The following AGPS variants were observed in gnomAD, a reference collection of about 807,000 sequenced individuals.
The protein encoded by AGPS is alkyldihydroxyacetonephosphate synthase, peroxisomal.
In AGPS, 26 loss-of-function variants were observed where a neutral mutation model predicts 90.7. That is an observed-to-expected ratio of 0.29 (90% CI 0.21 to 0.40). AGPS has a LOEUF of 0.40. AGPS is among the 10% of genes least tolerant of loss of function. The probability of loss-of-function intolerance (pLI) is 1.00; values close to 1 mark genes in which losing one functional copy is unlikely to be tolerated. For missense variants in AGPS, 540 were observed against 816.1 expected, an observed-to-expected ratio of 0.66 and a Z score of 4.12; for synonymous variants, 294 against 285.3, an observed-to-expected ratio of 1.03 and a Z score of -0.31.
chr2:177,455,491 G>A (rs746515606), intron 8 of AGPS, among the ~76,000 whole-genome samples: 22 of 151,558 alleles, frequency 1.5e-4, no homozygotes, highest in Admixed American at 5.9e-4. Context: ...ATGGAGTCTC[G>A]CTATGTTGCC....
chr2:177,535,837 G>A (rs903814160), intron 19 of AGPS, among the ~76,000 whole-genome samples: 1 of 151,934 alleles, frequency 6.6e-6, no homozygotes, highest in African/African-American at 2.4e-5. Context: ...CCTCTGCCAC[G>A]AAGGGGTTAA....
intron 6 of AGPS, 50 bp from the exon 7 acceptor site, chr2:177,442,349 AAATATAGC>A: frequency 1.5e-6 from 2 of 1,331,156 alleles, no homozygotes; most frequent in Admixed American, 3.4e-5. Context: ...TTTGCCATAG[AAATATAGC>A]TAAAAACAGA....
chr2:177,396,083 G>A (rs1210915150), intron 1 of AGPS, among the ~76,000 whole-genome samples: 1 of 150,480 alleles, frequency 6.6e-6, no homozygotes, highest in East Asian at 2.0e-4. Context: ...CTATATGGGG[G>A]TGGGAGGGTG....
At chr2:177,497,476 GTTGT>G (rs1688443492) in intron 12 of AGPS, among the ~76,000 whole-genome samples, 1 of 151,760 alleles carries the variant, frequency 6.6e-6, no homozygotes, top group African/African-American at 2.4e-5. Context: ...TAAATAAAAA[GTTGT>G]TTGTGACATT....
chr2:177,429,087 A>C (rs962028741), intron 2 of AGPS, among the ~76,000 whole-genome samples: 1 of 151,954 alleles, frequency 6.6e-6, no homozygotes, highest in African/African-American at 2.4e-5. Flanking sequence ...TCTTTCCTCC[A>C]CTTGGTCTAT....
At chr2:177,491,429 CTTTTTTT>C (rs1051275473) in intron 11 of AGPS, among the ~76,000 whole-genome samples, 4 of 118,250 alleles carry the variant, frequency 3.4e-5, no homozygotes, top group Non-Finnish European at 7.1e-5. Context: ...TGACTAATTT[CTTTTTTT>C]TTTTTTTTTT....
At chr2:177,402,426 C>T (rs148785126) in intron 1 of AGPS, among the ~76,000 whole-genome samples, 62 of 152,326 alleles carry the variant, frequency 4.1e-4, no homozygotes, top group South Asian at 2.5e-3. Flanking sequence ...TTCTGATTTA[C>T]CTAGCTCTTC....
chr2:177,533,587 C>G (rs1043726791), intron 19 of AGPS, among the ~76,000 whole-genome samples: 1 of 152,142 alleles, frequency 6.6e-6, no homozygotes, highest in African/African-American at 2.4e-5. Context: ...TTCTCTTTGA[C>G]AATTTTATGT....
At chr2:177,481,742 A>AT (rs1238275362) in intron 10 of AGPS, among the ~76,000 whole-genome samples, 1 of 151,944 alleles carries the variant, frequency 6.6e-6, no homozygotes, top group East Asian at 1.9e-4. Context: ...TTGTTTTTCA[A>AT]TTTTTTTATT....
At position 177,436,472 on chromosome 2, in the gene AGPS, A is replaced by G. The variant is rs16865278; in HGVS notation, c.442-292A>G. ...GCCAGAAATGCTAAATTTTATCGACAGGTATAAGTGTAGATAGTGCGAAAG... is the reference window on the plus strand; with the variant it reads ...GCCAGAAATGCTAAATTTTATCGACGGGTATAAGTGTAGATAGTGCGAAAG... On this transcript the variant is annotated intron_variant, in intron 3 of 19. Coordinates refer to ENST00000264167, the MANE Select transcript of AGPS (RefSeq NM_003659.4). Among the ~76,000 whole-genome samples, 612 of 152,266 alleles carry G rather than the reference A, an allele frequency of 4.0e-3. 5 individuals carry two copies. Among genetic ancestry groups the G allele is most frequent in the East Asian group, 0.032 (167 of 5,188 alleles).
At chr2:177,466,194 A>G (rs1238772192) in intron 9 of AGPS, among the ~76,000 whole-genome samples, 2 of 152,006 alleles carry the variant, frequency 1.3e-5, no homozygotes, top group African/African-American at 4.8e-5. Flanking sequence ...GCTCCTCTCC[A>G]TAAGCAGGGC....
chr2:177,525,946 T>C (rs897069461), intron 19 of AGPS, among the ~76,000 whole-genome samples: 4 of 152,208 alleles, frequency 2.6e-5, no homozygotes, highest in African/African-American at 9.6e-5. Context: ...TGGTAGGCTC[T>C]AACAGAGTCT....
intron 1 of AGPS, among the ~76,000 whole-genome samples, chr2:177,397,676 A>G (rs1685222868): frequency 6.6e-6 from 1 of 152,184 alleles, no homozygotes; most frequent in African/African-American, 2.4e-5. Context: ...TAAGAACGCC[A>G]CTAATTGTTT....
chr2:177,424,831 A>T (rs968892608), intron 2 of AGPS, among the ~76,000 whole-genome samples: 14 of 152,220 alleles, frequency 9.2e-5, no homozygotes, highest in Admixed American at 7.2e-4. Context: ...TCTAATGATG[A>T]GTGATGCTGA....
intron 19 of AGPS, among the ~76,000 whole-genome samples, chr2:177,536,507 C>A (rs978719366): frequency 6.6e-6 from 1 of 151,826 alleles, no homozygotes; most frequent in African/African-American, 2.4e-5. Context: ...GTTGAAGAGA[C>A]CTTATAAAGT....
chr2:177,430,988 G>A (rs2105622115), intron 2 of AGPS, among the ~76,000 whole-genome samples: 1 of 152,226 alleles, frequency 6.6e-6, no homozygotes, highest in Non-Finnish European at 1.5e-5. Context: ...TTATAAAAAG[G>A]CTGTTAAATT....
intron 7 of AGPS, among the ~76,000 whole-genome samples, chr2:177,444,844 A>G (rs975768094): frequency 2.0e-5 from 3 of 152,222 alleles, no homozygotes; most frequent in Non-Finnish European, 2.9e-5. Context: ...TCATATATGT[A>G]TATAAAAGTT....
At chr2:177,507,252 T>C (rs755787957) in intron 15 of AGPS, among the ~76,000 whole-genome samples, 1 of 152,134 alleles carries the variant, frequency 6.6e-6, no homozygotes, top group Non-Finnish European at 1.5e-5. Flanking sequence ...TTAACATATG[T>C]TGAGTTTTCT....
chr2:177,410,875 G>A (rs180715671), intron 1 of AGPS, among the ~76,000 whole-genome samples: 2 of 152,262 alleles, frequency 1.3e-5, no homozygotes, highest in East Asian at 3.9e-4. Context: ...TCATCCCCTG[G>A]GGCAGTGGGC....
Sources: allele counts gnomAD v4.1 joint callset (sites outside exome capture counted in the v4.1 genomes callset), GRCh38; gene constraint gnomAD v4.1.1; transcripts MANE v1.5; gene names NCBI Gene and HGNC (gene_info 2026-07-23, HGNC 2026-07-21).